Variants in EML4 observed in about 807,000 individuals in gnomAD.
EML4 encodes EMAP like 4, also known as echinoderm microtubule-associated protein-like 4.
Under a neutral mutation model 129.0 loss-of-function variants are expected in EML4, and 72 were observed. The observed-to-expected ratio is 0.56, with a 90% CI of 0.46 to 0.68. EML4 has a LOEUF of 0.68. Ranked by LOEUF, EML4 falls within the 30% of genes least tolerant of loss-of-function variation. The pLI is 0.00. For synonymous variants in EML4, 532 were observed against 405.0 expected, an observed-to-expected ratio of 1.31 and a Z score of -3.77; for missense variants, 1,363 against 1,190.6, an observed-to-expected ratio of 1.14 and a Z score of -2.13.
At chr2:42,179,158 G>A (rs1670788179) in intron 1 of EML4, among the ~76,000 whole-genome samples, 2 of 152,046 alleles carry the variant, frequency 1.3e-5, no homozygotes, top group Admixed American at 1.3e-4. Context: ...GAGCACATCA[G>A]TTACAGTGTT....
At chr2:42,175,448 G>A (rs759089417) in intron 1 of EML4, among the ~76,000 whole-genome samples, 9 of 151,550 alleles carry the variant, frequency 5.9e-5, no homozygotes, top group Non-Finnish European at 1.3e-4. Context: ...TTAAGTCCAG[G>A]TTTTTTCTTT....
Position 42,328,989 on chromosome 2 carries a change from G to A in EML4, c.2445G>A (p.Leu815=). ...AVADDFCKVH[L]FQYPCSKAKA... ...CCGATGACTTTTGTAAAGTCCATCT[G>A]TTTCAGTATCCCTGCTCCAAAGCAA... Residue 815 remains leucine, a synonymous_variant, in exon 22 of 23, where the codon CTG becomes CTA. Transcript: ENST00000318522. 4 of 1,612,908 alleles carry A rather than the reference G, an allele frequency of 2.5e-6. No individual in the cohort carries two copies. Among genetic ancestry groups the A allele is most frequent in the Middle Eastern group, 3.8e-4 (2 of 5,320 alleles).
Position 42,280,969 on chromosome 2 carries a change from T to C in EML4, c.787T>C (p.Trp263Arg). The change falls in exon 7 of 23, where the codon TGG becomes CGG. Residue 263 changes from tryptophan to arginine, a missense_variant. Trp to Arg is a moderately radical substitution (Grantham distance 101, BLOSUM62 -3). Transcript: ENST00000318522. ...GCCTCCTGAGAAGCTCAAACTGGAGTGGGCGTATCCTTCTCTACCATGACA... is the reference window on the plus strand; with the variant it reads ...GCCTCCTGAGAAGCTCAAACTGGAGCGGGCGTATCCTTCTCTACCATGACA... ...ELPPEKLKLE[W>R]AYGYRGKDCR... 1 of 1,600,980 alleles carries C rather than the reference T, an allele frequency of 6.2e-7. No individual in the cohort carries two copies. The highest frequency in any genetic ancestry group is 8.5e-7 in the Non-Finnish European group (1 of 1,175,142).
At chr2:42,272,581 C>G (rs1020932418) in intron 6 of EML4, among the ~76,000 whole-genome samples, 11 of 152,060 alleles carry the variant, frequency 7.2e-5, no homozygotes, top group Non-Finnish European at 1.2e-4. Context: ...CTGTGCCCGG[C>G]CTGGACAGCA....
intron 1 of EML4, among the ~76,000 whole-genome samples, chr2:42,240,527 T>C (rs1674957809): frequency 6.6e-6 from 1 of 152,246 alleles, no homozygotes; most frequent in African/African-American, 2.4e-5. Context: ...TGCAGTTTGC[T>C]TATCCACTTA....
intron 18 of EML4, among the ~76,000 whole-genome samples, chr2:42,316,944 A>T (rs1381661511): frequency 6.6e-6 from 1 of 152,328 alleles, no homozygotes; most frequent in African/African-American, 2.4e-5. Context: ...AACCACTGCA[A>T]ATATAGCTGT....
At chr2:42,306,271 G>A (rs1668587956) in intron 17 of EML4, among the ~76,000 whole-genome samples, 1 of 152,026 alleles carries the variant, frequency 6.6e-6, no homozygotes, top group South Asian at 2.1e-4. Context: ...GTAGGATTTG[G>A]AGGAAATTAT....
Position 42,330,874 on chromosome 2 carries a change from T to C in EML4, c.*667T>C. 4.9e-6 allele frequency: 1 copy of C among 206,066 alleles called. No homozygotes were observed. The highest frequency in any genetic ancestry group is 2.3e-5 in the African/African-American group (1 of 43,766). The allele number at this position is 206,066 out of a possible 1,614,324, so 12.8% of individuals were successfully genotyped here. A position where few individuals can be genotyped will look rare whatever the true frequency, so the allele number is the denominator to read the frequency against. On this transcript the variant is annotated 3_prime_UTR_variant, in exon 23 of 23. Transcript: ENST00000318522. ...AGGAACAGTCCCTTAATTTCTTGTG[T>C]GCAACTCTGTTTTATCCTAGAACTA...
At chr2:42,205,367 A>G (rs1403256010) in intron 1 of EML4, among the ~76,000 whole-genome samples, 1 of 152,244 alleles carries the variant, frequency 6.6e-6, no homozygotes, top group Non-Finnish European at 1.5e-5. Context: ...AGTGAAGTTT[A>G]TCAGCAAAAG....
At chr2:42,203,824 A>G (rs777335229) in intron 1 of EML4, among the ~76,000 whole-genome samples, 2 of 152,066 alleles carry the variant, frequency 1.3e-5, no homozygotes, top group Non-Finnish European at 2.9e-5. Context: ...CCCTGTAACT[A>G]TAGTAACTAT....
At chr2:42,186,462 C>T (rs767575264) in intron 1 of EML4, among the ~76,000 whole-genome samples, 25 of 152,296 alleles carry the variant, frequency 1.6e-4, no homozygotes, top group Middle Eastern at 3.4e-3. Context: ...AAGACACATT[C>T]CTAAGAAATG....
intron 6 of EML4, among the ~76,000 whole-genome samples, chr2:42,273,146 G>C (rs1006724962): frequency 1.3e-5 from 2 of 152,042 alleles, no homozygotes; most frequent in Admixed American, 6.5e-5. Context: ...AAAATGAAAA[G>C]CTTTTTCATT....
chr2:42,265,465 C>T (rs781081142), intron 6 of EML4, among the ~76,000 whole-genome samples: 13 of 152,110 alleles, frequency 8.5e-5, no homozygotes, highest in Non-Finnish European at 1.5e-5. Flanking sequence ...GTCTCAAACT[C>T]CTGACCTCAA....
chr2:42,301,372 A>C lies in EML4; in HGVS notation c.1621A>C (p.Asn541His). The change falls in exon 14 of 23, where the codon AAT becomes CAT. Residue 541 changes from asparagine (N) to histidine (H), a missense_variant. Transcript: ENST00000318522. ...AATAATTCTGTGGGATCATGATCTG[A>C]ATCCTGAAAGAGAAATAGAGGTAAG... is the stretch of plus-strand genomic sequence containing the variant. ...RKIILWDHDL[N>H]PEREIEVPDQ... 6.2e-7 allele frequency: 1 copy of C among 1,612,328 alleles called. No homozygotes were observed.
chr2:42,246,449 G>A (rs1056312456), intron 2 of EML4, among the ~76,000 whole-genome samples: 6 of 152,146 alleles, frequency 3.9e-5, no homozygotes, highest in African/African-American at 1.2e-4. Flanking sequence ...TTCCTACTTC[G>A]ATGTCAATGT....
chr2:42,248,951 T>G (rs574368265), intron 2 of EML4, among the ~76,000 whole-genome samples: 1 of 152,270 alleles, frequency 6.6e-6, no homozygotes, highest in African/African-American at 2.4e-5. Flanking sequence ...ATTAAGACAT[T>G]GAGAGAAATA....
intron 3 of EML4, among the ~76,000 whole-genome samples, chr2:42,260,835 C>G (rs909932363): frequency 6.6e-6 from 1 of 152,150 alleles, no homozygotes; most frequent in African/African-American, 2.4e-5. Flanking sequence ...CTTCATTTGT[C>G]CCCCAAAATC....
rs1251565265 is a variant in EML4 at position 42,255,045 on chromosome 2, C to T, written c.209-1456C>T. 2.0e-5 allele frequency among the ~76,000 whole-genome samples: 3 copies of T among 151,742 alleles called. No individual in the cohort carries two copies. In the East Asian group the frequency reaches 5.8e-4, roughly 29 times the overall value. ...TATGGCTTCTTTGGAGGGTAGGGTA[C>T]AGGGAGTGACTGCTTAATGGATACG... On this transcript the variant is annotated intron_variant, in intron 2 of 22. Coordinates refer to ENST00000318522, the MANE Select transcript of EML4 (RefSeq NM_019063.5).
intron 1 of EML4, among the ~76,000 whole-genome samples, chr2:42,201,847 T>C (rs1421985252): frequency 2.0e-5 from 3 of 152,170 alleles, no homozygotes; most frequent in Non-Finnish European, 2.9e-5. Flanking sequence ...TTTAGGAGGC[T>C]GAGGTAGGCA....
Sources: allele counts gnomAD v4.1 joint callset (sites outside exome capture counted in the v4.1 genomes callset), GRCh38; gene constraint gnomAD v4.1.1; transcripts MANE v1.5; gene names NCBI Gene and HGNC (gene_info 2026-07-23, HGNC 2026-07-21).